Variants in DSCAML1 observed in about 807,000 individuals in gnomAD.
DSCAML1 encodes cell adhesion molecule DSCAML1.
In DSCAML1, 38 loss-of-function variants were observed where a neutral mutation model predicts 200.5. That is an observed-to-expected ratio of 0.19 (90% CI 0.15 to 0.25). The LOEUF (loss-of-function observed/expected upper bound fraction) is 0.25, where lower values mean the gene tolerates loss of function less well. Among genes scored for constraint, DSCAML1 ranks in the 10% least tolerant of loss-of-function variants. The probability of loss-of-function intolerance (pLI) is 1.00; values close to 1 mark genes in which losing one functional copy is unlikely to be tolerated. For missense variants in DSCAML1, 2,223 were observed against 2,858.8 expected (o/e 0.78, Z 5.07); for synonymous variants, 1,215 against 1,165.0 (o/e 1.04, Z -0.87).
chr11:117,587,437 C>T (rs1005601242), intron 3 of DSCAML1, among the ~76,000 whole-genome samples: 2 of 152,136 alleles, frequency 1.3e-5, no homozygotes, highest in African/African-American at 2.4e-5. Context: ...CCCTGACCCC[C>T]ATGGTGGGTC....
intron 32 of DSCAML1, among the ~76,000 whole-genome samples, 197 bp from the exon 33 acceptor site, chr11:117,429,000 G>A (rs2047727911): frequency 6.6e-6 from 1 of 152,212 alleles, no homozygotes; most frequent in Admixed American, 6.5e-5. Context: ...TCTGTGAAGT[G>A]GGGATGATCT....
chr11:117,496,912 G>A (rs1471475936), intron 11 of DSCAML1, among the ~76,000 whole-genome samples: 5 of 152,186 alleles, frequency 3.3e-5, no homozygotes, highest in African/African-American at 9.7e-5. Context: ...TTGTACAAAC[G>A]TCCACTTTGG....
Position 117,595,098 on chromosome 11 carries a change from A to AC in DSCAML1, c.512-62577_512-62576insG, listed in dbSNP as rs1291265177. On this transcript the variant is annotated intron_variant, in intron 3 of 32. Transcript: ENST00000651296. Reference sequence around the variant, plus strand: ...CACACACACACACACACCCTTTGATATTTCCTTAAGACACTTCTCTGAAGA... The same window carrying AC: ...CACACACACACACACACCCTTTGATACTTTCCTTAAGACACTTCTCTGAAGA... 7.3e-5 allele frequency among the ~76,000 whole-genome samples: 11 copies of AC among 150,074 alleles called. No homozygotes were observed. The East Asian group carries it at 2.2e-3, about 29-fold the overall frequency.
rs117727142 is a variant in DSCAML1, at chr11:117,573,031, A to T, written c.512-40509T>A. ...AGTTGTTATCTTAGCTGTTCTTCAT[A>T]ATGGCCCTGTGAGAGAGCTATTGTT... On this transcript the variant is annotated intron_variant, in intron 3 of 32. Transcript: ENST00000651296. Among the ~76,000 whole-genome samples, 940 of 152,252 alleles carry T rather than the reference A, an allele frequency of 6.2e-3. 5 individuals are homozygous for T. The highest frequency in any genetic ancestry group is 0.037 in the Middle Eastern group (11 of 294).
chr11:117,724,008 T>G (rs2137801747), intron 3 of DSCAML1, among the ~76,000 whole-genome samples: 2 of 152,328 alleles, frequency 1.3e-5, no homozygotes, highest in Admixed American at 1.3e-4. Context: ...GGCTGGTCCT[T>G]TATCTCCAAT....
intron 3 of DSCAML1, among the ~76,000 whole-genome samples, chr11:117,698,205 T>C (rs2053616194): frequency 6.6e-6 from 1 of 152,234 alleles, no homozygotes; most frequent in Admixed American, 6.5e-5. Flanking sequence ...GCTGTGGGCA[T>C]GGGTGTGGAA....
rs566723548 is a variant in DSCAML1 at position 117,440,072 on chromosome 11, G to A, written c.3863-136C>T. 8.7e-5 allele frequency: 60 copies of A among 692,302 alleles called. No homozygotes were observed. In the Admixed American group the frequency reaches 1.2e-3, roughly 14 times the overall value. The allele number at this position is 692,302 out of a possible 1,614,324, so 42.9% of individuals were successfully genotyped here. On this transcript the variant is annotated intron_variant, in intron 21 of 32. Transcript: ENST00000651296. Reference sequence around the variant, plus strand: ...GACCTCCACCTTGGGCTTTTGGTGAGGGGTAGGTGTCAGGGAATATTGGCT... The same window carrying A: ...GACCTCCACCTTGGGCTTTTGGTGAAGGGTAGGTGTCAGGGAATATTGGCT...
chr11:117,708,776 G>T (rs540184938), intron 3 of DSCAML1, among the ~76,000 whole-genome samples: 6 of 152,218 alleles, frequency 3.9e-5, no homozygotes, highest in Admixed American at 2.6e-4. Flanking sequence ...ATACCATTGC[G>T]TGGACCTATG....
At chr11:117,636,947 A>G (rs946828320) in intron 3 of DSCAML1, among the ~76,000 whole-genome samples, 2 of 152,196 alleles carry the variant, frequency 1.3e-5, no homozygotes, top group Non-Finnish European at 2.9e-5. Context: ...CAGAAGCTCC[A>G]GATAAAATAC....
At chr11:117,693,446 A>G (rs1417735210) in intron 3 of DSCAML1, among the ~76,000 whole-genome samples, 2 of 152,180 alleles carry the variant, frequency 1.3e-5, no homozygotes, top group African/African-American at 4.8e-5. Context: ...GTTTTACTCC[A>G]AAGCTTTATA....
At chr11:117,738,501 G>A (rs573541172) in intron 3 of DSCAML1, among the ~76,000 whole-genome samples, 60 of 152,132 alleles carry the variant, frequency 3.9e-4, no homozygotes, top group African/African-American at 1.2e-3. Context: ...ATGTGTCTGC[G>A]CACACAGGTA....
intron 3 of DSCAML1, among the ~76,000 whole-genome samples, chr11:117,714,961 GCCT>G (rs1208234788): frequency 4.0e-4 from 61 of 152,128 alleles, no homozygotes; most frequent in Non-Finnish European, 8.1e-4. Context: ...CTGACTTGGT[GCCT>G]ACTCTGCCAT....
chr11:117,440,410 G>A (rs142369678), intron 21 of DSCAML1, among the ~76,000 whole-genome samples: 92 of 152,256 alleles, frequency 6.0e-4, no homozygotes, highest in African/African-American at 2.1e-3. Flanking sequence ...TTTATAAGCA[G>A]GGAAGGAGAC....
At chr11:117,649,278 A>G (rs2052581529) in intron 3 of DSCAML1, among the ~76,000 whole-genome samples, 1 of 152,054 alleles carries the variant, frequency 6.6e-6, no homozygotes, top group Non-Finnish European at 1.5e-5. Flanking sequence ...AGGTTTCACC[A>G]CATTGGCCAG....
Position 117,521,289 on chromosome 11 carries a change from T to C in DSCAML1, c.1054A>G (p.Thr352Ala). ...PEFTIRWYRN[T>A]ELVLPDEAIS... ...GCCTCGTCAGGCAGCACCAGCTCCG[T>C]GTTGCGATACCAGCGGATGGTGAAC... is the stretch of plus-strand genomic sequence containing the variant. The change falls in exon 6 of 33, where the codon ACG (threonine) becomes GCG (alanine). Residue 352 changes from threonine (T) to alanine (A), a missense_variant. This residue lies in a region of DSCAML1 where 579 missense variants were observed against 721.5 expected (regional missense o/e 0.80). Coordinates refer to ENST00000651296, the MANE Select transcript of DSCAML1 (RefSeq NM_020693.4). 1 of 1,614,168 alleles carries C rather than the reference T, an allele frequency of 6.2e-7. No homozygotes were observed. Among genetic ancestry groups the C allele is most frequent in the Non-Finnish European group, 8.5e-7 (1 of 1,180,022 alleles).
At chr11:117,620,375 C>G (rs1287159012) in intron 3 of DSCAML1, among the ~76,000 whole-genome samples, 3 of 152,198 alleles carry the variant, frequency 2.0e-5, no homozygotes, top group African/African-American at 7.2e-5. Context: ...CTCCTCCCCT[C>G]TCCTCTCTTT....
At chr11:117,553,462 A>G (rs766360851) in intron 3 of DSCAML1, among the ~76,000 whole-genome samples, 1 of 152,230 alleles carries the variant, frequency 6.6e-6, no homozygotes, top group Non-Finnish European at 1.5e-5. Context: ...CCCAGTTTAA[A>G]CATGGTCAAA....
chr11:117,461,725 C>T, intron 17 of DSCAML1, 129 bp from the exon 18 acceptor site: 1 of 807,404 alleles, frequency 1.2e-6, no homozygotes, highest in Non-Finnish European at 1.9e-6. Context: ...GTGGGGGGAC[C>T]TCCTGACTTG....
intron 3 of DSCAML1, among the ~76,000 whole-genome samples, chr11:117,626,648 G>A (rs1591336505): frequency 6.6e-6 from 1 of 152,274 alleles, no homozygotes; most frequent in East Asian, 1.9e-4. Flanking sequence ...GGATTCTCGA[G>A]CTGTACCCAA....
Sources: gnomAD v4.1 joint callset for allele counts (sites outside exome capture counted in the v4.1 genomes callset) on GRCh38, gnomAD v4.1.1 for gene constraint, gnomAD v4.1.1 regional missense constraint, MANE v1.5 for transcripts, NCBI Gene and HGNC (gene_info 2026-07-23, HGNC 2026-07-21) for gene names.